TRIM24: variants seen among roughly 807,000 people sequenced by gnomAD.
TRIM24 encodes tripartite motif containing 24.
In TRIM24, 29 loss-of-function variants were observed where a neutral mutation model predicts 123.9. The observed-to-expected ratio is 0.23, with a 90% CI of 0.17 to 0.32. The LOEUF (loss-of-function observed/expected upper bound fraction) is 0.32, where lower values mean the gene tolerates loss of function less well. Ranked by LOEUF, TRIM24 falls within the 10% of genes least tolerant of loss-of-function variation. The pLI is 1.00. For synonymous variants in TRIM24, 456 were observed against 461.1 expected (o/e 0.99, Z 0.14); for missense variants, 932 against 1,295.3 (o/e 0.72, Z 4.31).
At chr7:138,491,012 C>G (rs951875510) in intron 1 of TRIM24, 1 of 241,860 alleles carries the variant, frequency 4.1e-6, no homozygotes, top group Non-Finnish European at 8.1e-6. Context: ...GAGCTTCAAT[C>G]ATGGTGTGCC....
intron 1 of TRIM24, among the ~76,000 whole-genome samples, chr7:138,477,898 AT>A (rs1295438103): frequency 1.3e-5 from 2 of 152,194 alleles, no homozygotes; most frequent in African/African-American, 4.8e-5. Flanking sequence ...ATTAGCTGAT[AT>A]ATTTGAACAT....
intron 2 of TRIM24, among the ~76,000 whole-genome samples, chr7:138,504,728 G>A (rs1321042750): frequency 6.6e-6 from 1 of 151,400 alleles, no homozygotes; most frequent in Non-Finnish European, 1.5e-5. Context: ...CCAAAGTGCT[G>A]GGATTACAGG....
chr7:138,474,331 T>C (rs1275098051), intron 1 of TRIM24, among the ~76,000 whole-genome samples: 1 of 151,534 alleles, frequency 6.6e-6, no homozygotes, highest in Non-Finnish European at 1.5e-5. Context: ...TTCACCATGT[T>C]AGCCAGGATG....
At chr7:138,475,632 T>G (rs534147903) in intron 1 of TRIM24, among the ~76,000 whole-genome samples, 25 of 152,234 alleles carry the variant, frequency 1.6e-4, no homozygotes, top group Admixed American at 1.6e-3. Context: ...TGCCTCAGCC[T>G]CCCAAGCAGC....
rs376391013 is a variant in TRIM24, at chr7:138,487,180, C to A, written c.365-17110C>A. 4.6e-5 allele frequency among the ~76,000 whole-genome samples: 7 copies of A among 152,086 alleles called. No individual in the cohort carries two copies. In the South Asian group the frequency reaches 6.2e-4, roughly 14 times the overall value. On this transcript the variant is annotated intron_variant, in intron 1 of 18. Transcript: ENST00000343526. ...ATAAGAATGCTTGTGATTTTTGCACCTTGATTTTGTATCCTGAGACTTTGC... is the reference window on the plus strand; with the variant it reads ...ATAAGAATGCTTGTGATTTTTGCACATTGATTTTGTATCCTGAGACTTTGC...
rs1797914354 is a variant in TRIM24 at position 138,582,361 on chromosome 7, T to C, written c.2793+590T>C. ...ATAGAGACCATCCTGGCTAACACGG[T>C]GAAACCCCGTCTCTACTAAAAATAC... On this transcript the variant is annotated intron_variant, in intron 17 of 18. Coordinates refer to ENST00000343526, the MANE Select transcript of TRIM24 (RefSeq NM_015905.3). 2.6e-5 allele frequency among the ~76,000 whole-genome samples: 4 copies of C among 152,088 alleles called. No homozygotes were observed. In the South Asian group the frequency reaches 8.3e-4, roughly 32 times the overall value.
chr7:138,540,844 C>A (rs370782059), intron 7 of TRIM24, among the ~76,000 whole-genome samples: 1 of 152,000 alleles, frequency 6.6e-6, no homozygotes, highest in East Asian at 1.9e-4. Context: ...TAACGTATTT[C>A]TTTTTTGTTT....
At chr7:138,540,108 AC>A (rs1379844462) in intron 7 of TRIM24, among the ~76,000 whole-genome samples, 1 of 152,120 alleles carries the variant, frequency 6.6e-6, no homozygotes, top group Non-Finnish European at 1.5e-5. Context: ...CTTAAAGAAT[AC>A]TTTATTGCCA....
chr7:138,530,938 C>T (rs1796718387), intron 6 of TRIM24, among the ~76,000 whole-genome samples: 1 of 151,882 alleles, frequency 6.6e-6, no homozygotes, highest in South Asian at 2.1e-4. Flanking sequence ...GAGATGAAGT[C>T]TCACTCTAGT....
At chr7:138,548,743 G>T (rs1797152774) in intron 7 of TRIM24, among the ~76,000 whole-genome samples, 1 of 152,066 alleles carries the variant, frequency 6.6e-6, no homozygotes, top group South Asian at 2.1e-4. Context: ...CAAACACATT[G>T]TACAAATTCT....
At chr7:138,466,091 C>T (rs371265101) in intron 1 of TRIM24, among the ~76,000 whole-genome samples, 77 of 152,282 alleles carry the variant, frequency 5.1e-4, no homozygotes, top group East Asian at 9.7e-4. Flanking sequence ...GCAACCTCCA[C>T]CTCCAGGGTT....
At position 138,556,105 on chromosome 7, in the gene TRIM24, C is replaced by G. The variant is rs1009322317; in HGVS notation, c.1530+1139C>G. Among the ~76,000 whole-genome samples, 12 of 152,066 alleles carry G rather than the reference C, an allele frequency of 7.9e-5. No individual in the cohort carries two copies. The South Asian group carries it at 1.9e-3, about 24-fold the overall frequency. On this transcript the variant is annotated intron_variant, in intron 9 of 18. Transcript: ENST00000343526. ...ATTTAAAAGCTTTTCCATGTAATTT[C>G]CTAAGTATGTTCTGCTTGTATTTCT...
chr7:138,482,910 A>T (rs914411494), intron 1 of TRIM24, among the ~76,000 whole-genome samples: 1 of 151,768 alleles, frequency 6.6e-6, no homozygotes, highest in Non-Finnish European at 1.5e-5. Context: ...AATATGTTTT[A>T]TGTCTTAATT....
In TRIM24 at chr7:138,579,354, G is replaced by C. The variant is rs374550973; in HGVS notation, c.2407G>C (p.Glu803Gln). 6 of 1,614,152 alleles carry C rather than the reference G, an allele frequency of 3.7e-6. No homozygotes were observed. The African/African-American group carries it at 6.7e-5, about 18-fold the overall frequency. The change falls in exon 15 of 19, where the codon GAA (glutamate) becomes CAA (glutamine). Residue 803 changes from glutamate to glutamine, a missense_variant. Glu to Gln is a conservative substitution (Grantham distance 29, BLOSUM62 2). Coordinates refer to ENST00000343526, the MANE Select transcript of TRIM24 (RefSeq NM_015905.3). The part of the protein sequence containing the change: ...HQDNSSNGKS[E>Q]WLDPSQKSPL... ...GGACAATTCCTCAAATGGAAAGTCT[G>C]AATGGTTGGATCCTTCCCAGAAGTC...
chr7:138,487,986 G>C (rs925907087), intron 1 of TRIM24, among the ~76,000 whole-genome samples: 1 of 151,938 alleles, frequency 6.6e-6, no homozygotes. Flanking sequence ...ACTTTTTTTC[G>C]TTGGTAGGCT....
chr7:138,494,128 C>T (rs879894637), intron 1 of TRIM24, among the ~76,000 whole-genome samples: 4 of 151,878 alleles, frequency 2.6e-5, no homozygotes, highest in Non-Finnish European at 4.4e-5. Context: ...ATTACAGGCA[C>T]CTGCCACCAT....
chr7:138,514,608 T>G (rs1796359048), intron 2 of TRIM24: 1 of 152,214 alleles, frequency 6.6e-6, no homozygotes, highest in South Asian at 2.1e-4. Context: ...TCCTCATGCT[T>G]TCCCCAGCCT....
intron 1 of TRIM24, among the ~76,000 whole-genome samples, chr7:138,476,871 GATA>G (rs1378322952): frequency 3.3e-5 from 5 of 152,118 alleles, no homozygotes; most frequent in African/African-American, 4.8e-5. Flanking sequence ...TAGCACTGTT[GATA>G]ATAATAAAAG....
chr7:138,529,586 TGTTCGATTTAG>T (rs1194217891), intron 6 of TRIM24, among the ~76,000 whole-genome samples: 1 of 152,206 alleles, frequency 6.6e-6, no homozygotes, highest in Non-Finnish European at 1.5e-5. Flanking sequence ...AAAGATACAC[TGTTCGATTTAG>T]TTCTCAAATA....
Sources: allele counts gnomAD v4.1 joint callset (sites outside exome capture counted in the v4.1 genomes callset), GRCh38; gene constraint gnomAD v4.1.1; transcripts MANE v1.5; gene names NCBI Gene and HGNC (gene_info 2026-07-23, HGNC 2026-07-21).